The following PLEKHS1 variants were observed in gnomAD, a reference collection of about 807,000 sequenced individuals.
PLEKHS1 encodes pleckstrin homology domain-containing family S member 1.
A neutral mutation model predicts 51.0 loss-of-function variants in PLEKHS1; 55 were observed. That is an observed-to-expected ratio of 1.08 (90% confidence interval 0.87 to 1.35). The LOEUF is 1.35. PLEKHS1 is among the 40% of genes most tolerant of loss of function. PLEKHS1 has a pLI of 0.00. For synonymous variants in PLEKHS1, 153 were observed against 144.8 expected, an observed-to-expected ratio of 1.06 and a Z score of -0.41; for missense variants, 398 against 423.0, an observed-to-expected ratio of 0.94 and a Z score of 0.52.
At chr10:113,771,947 G>A in intron 7 of PLEKHS1, 23 bp from the exon 8 acceptor site, 2 of 1,591,426 alleles carry the variant, frequency 1.3e-6, no homozygotes, top group Non-Finnish European at 1.7e-6. Flanking sequence ...AAAAAGCAAA[G>A]CATTTTTATC....
At chr10:113,762,489 T>G (rs1449480106) in intron 2 of PLEKHS1, among the ~76,000 whole-genome samples, 1 of 151,698 alleles carries the variant, frequency 6.6e-6, no homozygotes, top group Non-Finnish European at 1.5e-5. Context: ...ATTAAAAAAT[T>G]TTTCCCTAAG....
intron 2 of PLEKHS1, 98 bp downstream of exon 2, chr10:113,755,403 T>G: frequency 6.7e-7 from 1 of 1,502,654 alleles, no homozygotes; most frequent in Non-Finnish European, 8.9e-7. Context: ...TGGTGGTTTT[T>G]GTGTATGTTG....
At chr10:113,779,519 G>A (rs182460242) in intron 11 of PLEKHS1, among the ~76,000 whole-genome samples, 1,558 of 150,422 alleles carry the variant, frequency 0.01, 12 homozygotes, top group Non-Finnish European at 0.016. Flanking sequence ...GCAGTGAGCC[G>A]AGATTGCACC....
At chr10:113,774,404 A>G (rs1844556040) in intron 9 of PLEKHS1, 71 bp downstream of exon 9, 13 of 904,230 alleles carry the variant, frequency 1.4e-5, no homozygotes, top group Non-Finnish European at 2.2e-5. Context: ...TTGTCAGTTC[A>G]TTTCAATAGT....
intron 2 of PLEKHS1, among the ~76,000 whole-genome samples, chr10:113,756,768 T>C (rs935221677): frequency 2.0e-5 from 3 of 152,026 alleles, no homozygotes; most frequent in East Asian, 3.9e-4. Context: ...AGAATATACT[T>C]ATAAGGTAGG....
intron 8 of PLEKHS1, among the ~76,000 whole-genome samples, chr10:113,773,241 T>C (rs1170946137): frequency 6.6e-6 from 1 of 152,174 alleles, no homozygotes; most frequent in African/African-American, 2.4e-5. Context: ...CCAAGCTCCT[T>C]TGAGCACAGA....
intron 11 of PLEKHS1, chr10:113,777,849 G>C (rs973731532): frequency 7.9e-7 from 1 of 1,268,074 alleles, no homozygotes; most frequent in Admixed American, 3.0e-5. Context: ...GTGGTGCTGG[G>C]CACGGTGGCT....
chr10:113,779,569 C>CAAAAAAAA lies in PLEKHS1; in HGVS notation c.*-1025_*-1018dup, dbSNP rs566568556. On this transcript the variant is annotated intron_variant, in intron 11 of 11. Transcript: ENST00000361048. The stretch of plus-strand genomic sequence containing the variant: ...CTGGGAACAGTGTGAGACTCTGTCT[C>CAAAAAAAA]AAAAAAAAAAAAAAAGGATCCACAT... Among the ~76,000 whole-genome samples the CAAAAAAAA allele has an allele frequency of 7.3e-4, 81 of 111,586 alleles. 2 individuals are homozygous for CAAAAAAAA. The highest frequency in any genetic ancestry group is 2.4e-3 in the African/African-American group (74 of 30,320). 73.2% of individuals were successfully genotyped at this position (111,586 alleles called of 152,430 possible). A position where few individuals can be genotyped will look rare whatever the true frequency, so the allele number is the denominator to read the frequency against.
intron 10 of PLEKHS1, 95 bp downstream of exon 10, chr10:113,775,130 G>C: frequency 8.4e-7 from 1 of 1,195,768 alleles, no homozygotes; most frequent in East Asian, 2.6e-5. Flanking sequence ...TTTTAAAGCT[G>C]TTCCTAAAAA....
chr10:113,774,341 A>G lies in PLEKHS1; in HGVS notation c.779+8A>G. ...TGAGCCAATGGAATCCTAGTAAGTCAAAATGCCGTTTCAAAATTTGATGTT... is the reference window on the plus strand; with the variant it reads ...TGAGCCAATGGAATCCTAGTAAGTCGAAATGCCGTTTCAAAATTTGATGTT... On this transcript the variant is annotated splice_region_variant and intron_variant, in intron 9 of 11. Transcript: ENST00000361048. The G allele has an allele frequency of 6.6e-7, 1 of 1,514,854 alleles. No individual in the cohort carries two copies. The highest frequency in any genetic ancestry group is 8.9e-7 in the Non-Finnish European group (1 of 1,118,286). The allele number at this position is 1,514,854 out of a possible 1,614,324, so 93.8% of individuals were successfully genotyped here.
In PLEKHS1 at chr10:113,777,261, T is replaced by C; in HGVS notation, c.1091+1395T>C. 6.2e-7 allele frequency: 1 copy of C among 1,612,624 alleles called. No homozygotes were observed. The highest frequency in any genetic ancestry group is 8.5e-7 in the Non-Finnish European group (1 of 1,179,834). Reference sequence around the variant, plus strand: ...CTTACCCGGTCCATCCAGAAGGAGGTGAGTCGTACTGACCAGCCCTGAACA... The same window carrying C: ...CTTACCCGGTCCATCCAGAAGGAGGCGAGTCGTACTGACCAGCCCTGAACA... On this transcript the variant is annotated intron_variant, in intron 11 of 11. Coordinates refer to ENST00000361048, the Ensembl canonical transcript of PLEKHS1.
exon 12 of PLEKHS1, chr10:113,780,775 G>C (rs757677616): frequency 6.5e-7 from 1 of 1,548,534 alleles, no homozygotes; most frequent in Non-Finnish European, 8.7e-7. Flanking sequence ...AAGGAGCCAG[G>C]GAGTAACGCA....
intron 7 of PLEKHS1, among the ~76,000 whole-genome samples, chr10:113,770,583 A>C (rs894277220): frequency 4.6e-5 from 7 of 152,180 alleles, no homozygotes; most frequent in Admixed American, 1.3e-4. Flanking sequence ...TATACCAAGC[A>C]CATCTAATGA....
At chr10:113,762,364 CCTTTT>C (rs1564818421) in intron 2 of PLEKHS1, among the ~76,000 whole-genome samples, 2 of 75,746 alleles carry the variant, frequency 2.6e-5, no homozygotes, top group African/African-American at 7.7e-5. Flanking sequence ...TAGATTTGTT[CCTTTT>C]TTTTTTTTTT....
intron 11 of PLEKHS1, chr10:113,777,935 T>G: frequency 2.1e-6 from 1 of 466,370 alleles, no homozygotes; most frequent in East Asian, 5.2e-5. Context: ...GGTTACAGTG[T>G]GCTATGATTG....
intron 6 of PLEKHS1, among the ~76,000 whole-genome samples, chr10:113,769,394 T>C (rs1364063422): frequency 6.6e-6 from 1 of 152,228 alleles, no homozygotes; most frequent in Non-Finnish European, 1.5e-5. Flanking sequence ...GGTCCCTAGG[T>C]ATCTTTTTTT....
At chr10:113,775,669 C>T in intron 10 of PLEKHS1, 96 bp from the exon 11 acceptor site, 2 of 699,592 alleles carry the variant, frequency 2.9e-6, no homozygotes, top group South Asian at 4.6e-5. Context: ...TGGACAATGT[C>T]ATCTCAGAAA....
chr10:113,768,626 A>G (rs922469938), intron 5 of PLEKHS1, among the ~76,000 whole-genome samples, 189 bp from the exon 6 acceptor site: 7 of 152,232 alleles, frequency 4.6e-5, no homozygotes, highest in African/African-American at 1.4e-4. Flanking sequence ...TTCCTTGCAG[A>G]GGTGGCTGAG....
At chr10:113,755,111 A>G in intron 1 of PLEKHS1, 148 bp from the exon 2 acceptor site, 1 of 790,138 alleles carries the variant, frequency 1.3e-6, no homozygotes, top group Non-Finnish European at 1.9e-6. Flanking sequence ...GGAGGGAAAT[A>G]CTAAAGAAAG....
Sources: allele counts gnomAD v4.1 joint callset (sites outside exome capture counted in the v4.1 genomes callset), GRCh38; gene constraint gnomAD v4.1.1; transcripts MANE v1.5; gene names NCBI Gene and HGNC (gene_info 2026-07-23, HGNC 2026-07-21).